The following MAGI2 variants were observed in gnomAD, a reference collection of about 807,000 sequenced individuals.
The protein encoded by MAGI2 is membrane-associated guanylate kinase, WW and PDZ domain-containing protein 2.
MAGI2 carries 35 observed loss-of-function variants against 133.3 expected under a neutral mutation model. The ratio of observed to expected loss-of-function variants is 0.26; its 90% CI spans 0.20 to 0.35. The LOEUF (loss-of-function observed/expected upper bound fraction) is 0.35. MAGI2 is among the 10% of genes least tolerant of loss of function. The pLI, the probability that MAGI2 is intolerant of heterozygous loss-of-function variation, is 1.00. For missense variants in MAGI2, 1,636 were observed against 1,863.4 expected (o/e 0.88, Z 2.25); for synonymous variants, 729 against 710.6 (o/e 1.03, Z -0.41).
At chr7:78,309,864 T>C (rs1317817183) in intron 9 of MAGI2, among the ~76,000 whole-genome samples, 1 of 152,130 alleles carries the variant, frequency 6.6e-6, no homozygotes, top group Non-Finnish European at 1.5e-5. Flanking sequence ...ACATTAATAT[T>C]CTTTTCATTG....
chr7:78,307,648 G>GA (rs1199881576), intron 9 of MAGI2, among the ~76,000 whole-genome samples: 1 of 152,112 alleles, frequency 6.6e-6, no homozygotes, highest in Admixed American at 6.5e-5. Flanking sequence ...TAATTAGAGA[G>GA]AAATTTCATT....
intron 1 of MAGI2, among the ~76,000 whole-genome samples, chr7:79,049,600 T>G (rs1189147744): frequency 1.3e-5 from 2 of 152,076 alleles, no homozygotes; most frequent in Admixed American, 1.3e-4. Flanking sequence ...AATTTAGATT[T>G]TTTCTTTATA....
intron 1 of MAGI2, among the ~76,000 whole-genome samples, chr7:79,208,840 A>G (rs1347123621): frequency 2.6e-5 from 4 of 152,058 alleles, no homozygotes; most frequent in African/African-American, 9.7e-5. Flanking sequence ...AATGGAGTAT[A>G]ATTTGGCCAT....
chr7:78,178,155 CT>C, intron 13 of MAGI2, 53 bp from the exon 14 acceptor site: 2 of 1,107,038 alleles, frequency 1.8e-6, no homozygotes, highest in Non-Finnish European at 2.8e-6. Flanking sequence ...TTCCCAGCCC[CT>C]GAGGAACTGA....
intron 1 of MAGI2, among the ~76,000 whole-genome samples, chr7:79,283,224 G>A (rs1357024166): frequency 6.6e-6 from 1 of 152,026 alleles, no homozygotes; most frequent in Non-Finnish European, 1.5e-5. Context: ...CTAATACACA[G>A]ATTTTAAAAG....
intron 2 of MAGI2, among the ~76,000 whole-genome samples, chr7:78,968,111 G>A (rs187929997): frequency 2.0e-4 from 30 of 152,196 alleles, no homozygotes; most frequent in Non-Finnish European, 8.8e-5. Context: ...GATTACAGGC[G>A]TGAGCCACCG....
intron 1 of MAGI2, among the ~76,000 whole-genome samples, chr7:79,084,552 T>C (rs368588105): frequency 7.9e-5 from 12 of 151,798 alleles, no homozygotes; most frequent in African/African-American, 7.2e-5. Flanking sequence ...TTACTGATAC[T>C]TGTTTTGTGG....
intron 3 of MAGI2, among the ~76,000 whole-genome samples, chr7:78,527,947 G>C (rs528704396): frequency 6.1e-4 from 93 of 152,252 alleles, no homozygotes; most frequent in Admixed American, 1.5e-3. Flanking sequence ...ATACCACACA[G>C]ATTAAGGTCA....
At position 78,495,444 on chromosome 7, in the gene MAGI2, G is replaced by A. The variant is rs184625461; in HGVS notation, c.966-5604C>T. On this transcript the variant is annotated intron_variant, in intron 5 of 21. Coordinates refer to ENST00000354212, the MANE Select transcript of MAGI2 (RefSeq NM_012301.4). ...TAAATTGAGTAGATTTTACACCATA[G>A]TCAATAAAATCATCAGGATGATTGT... Among the ~76,000 whole-genome samples, 19 of 152,254 alleles carry A rather than the reference G, an allele frequency of 1.2e-4. No individual in the cohort carries two copies. In the Middle Eastern group the frequency reaches 0.01, roughly 82 times the overall value.
intron 1 of MAGI2, among the ~76,000 whole-genome samples, chr7:79,114,116 A>C (rs1819180855): frequency 6.6e-6 from 1 of 152,134 alleles, no homozygotes; most frequent in South Asian, 2.1e-4. Context: ...CTACTTCAGT[A>C]AAAATGGGGT....
chr7:78,695,797 G>C (rs567181002), intron 2 of MAGI2, among the ~76,000 whole-genome samples: 1 of 152,214 alleles, frequency 6.6e-6, no homozygotes, highest in Admixed American at 6.5e-5. Flanking sequence ...GAGCTAAGAA[G>C]CAAGAGCATT....
intron 15 of MAGI2, among the ~76,000 whole-genome samples, chr7:78,160,500 C>T (rs1193781190): frequency 6.6e-6 from 1 of 152,228 alleles, no homozygotes; most frequent in Non-Finnish European, 1.5e-5. Flanking sequence ...TGAAACCCCT[C>T]ATCAGCCTCC....
intron 2 of MAGI2, among the ~76,000 whole-genome samples, chr7:78,996,120 C>T (rs1039603426): frequency 1.3e-5 from 2 of 152,126 alleles, no homozygotes; most frequent in African/African-American, 2.4e-5. Flanking sequence ...ACCCACCAAC[C>T]ATTCTCCCTC....
At chr7:78,966,207 T>A (rs552533505) in intron 2 of MAGI2, among the ~76,000 whole-genome samples, 1 of 152,252 alleles carries the variant, frequency 6.6e-6, no homozygotes, top group Non-Finnish European at 1.5e-5. Context: ...ATGAGATCTA[T>A]CCTCTTAATA....
chr7:79,064,726 T>C (rs915929688), intron 1 of MAGI2, among the ~76,000 whole-genome samples: 1 of 152,116 alleles, frequency 6.6e-6, no homozygotes, highest in African/African-American at 2.4e-5. Flanking sequence ...TTGCCTCCTC[T>C]GACACATGAA....
At chr7:79,228,835 T>C (rs1174996499) in intron 1 of MAGI2, among the ~76,000 whole-genome samples, 2 of 152,070 alleles carry the variant, frequency 1.3e-5, no homozygotes, top group Non-Finnish European at 2.9e-5. Flanking sequence ...ATAGTAAAAG[T>C]CCCAGATCTT....
intron 3 of MAGI2, among the ~76,000 whole-genome samples, chr7:78,607,179 A>AG (rs1296820382): frequency 2.6e-5 from 4 of 152,124 alleles, no homozygotes; most frequent in African/African-American, 9.7e-5. Context: ...CCATTGTGTG[A>AG]CTATTGTGAG....
chr7:78,942,908 A>G (rs2151683885), intron 2 of MAGI2, among the ~76,000 whole-genome samples: 1 of 152,100 alleles, frequency 6.6e-6, no homozygotes, highest in East Asian at 1.9e-4. Context: ...AAAAAAAACA[A>G]AAACATTTAT....
At position 78,083,383 on chromosome 7, in the gene MAGI2, GGGGGGAGAGAGAGAGAGAGAGAGAGA is replaced by G. The variant is rs1583820576; in HGVS notation, c.3568-4324_3568-4299del. Among the ~76,000 whole-genome samples, 49 of 76,462 alleles carry G rather than the reference GGGGGGAGAGAGAGAGAGAGAGAGAGA, an allele frequency of 6.4e-4. No individual in the cohort carries two copies. In the East Asian group the frequency reaches 0.026, roughly 40 times the overall value. 50.2% of individuals were successfully genotyped at this position (76,462 alleles called of 152,430 possible). ...GTGGGGGGGCGGGGGAGGGAGGGAG[GGGGGGAGAGAGAGAGAGAGAGAGAGA>G]GAGAGAGAGAGAGAGAGAGAGACAG... On this transcript the variant is annotated intron_variant, in intron 20 of 21. Coordinates refer to ENST00000354212, the MANE Select transcript of MAGI2 (RefSeq NM_012301.4).
Sources: gnomAD v4.1 joint callset for allele counts (sites outside exome capture counted in the v4.1 genomes callset) on GRCh38, gnomAD v4.1.1 for gene constraint, MANE v1.5 for transcripts, NCBI Gene and HGNC (gene_info 2026-07-23, HGNC 2026-07-21) for gene names.